SYTL2: variants seen among roughly 807,000 people sequenced by gnomAD.
SYTL2 encodes synaptotagmin like 2.
In SYTL2, 165 loss-of-function variants were observed where a neutral mutation model predicts 198.7. The ratio of observed to expected loss-of-function variants is 0.83; its 90% CI spans 0.73 to 0.94. SYTL2 has a LOEUF of 0.94. Ranked by LOEUF, SYTL2 falls within the 40% of genes least tolerant of loss-of-function variation. The pLI is 0.00. For synonymous variants in SYTL2, 966 were observed against 917.7 expected (o/e 1.05, Z -0.95); for missense variants, 2,835 against 2,582.8 (o/e 1.10, Z -2.12).
At position 85,705,025 on chromosome 11, in the gene SYTL2, T is replaced by G. The variant is rs772733200; in HGVS notation, c.6022A>C (p.Lys2008Gln). The change falls in exon 16 of 20, where the codon AAA becomes CAA. Residue 2008 changes from lysine (K) to glutamine (Q), a missense_variant. Physicochemically the swap from Lys to Gln is moderately conservative, Grantham distance 53. This residue lies in a region of SYTL2 where 2,645 missense variants were observed against 2,381.7 expected (regional missense o/e 1.11). Transcript: ENST00000359152. The stretch of plus-strand genomic sequence containing the variant: ...GTCTTTAAGATTTGTTTTTCAATTT[T>G]ATACTGAAGTTCAAAGAAGAAAATT... ...NPVYNEILRY[K>Q]IEKQILKTQK... 2.5e-6 allele frequency: 4 copies of G among 1,607,586 alleles called. No individual in the cohort carries two copies. In the African/African-American group the frequency reaches 5.4e-5, roughly 22 times the overall value.
rs74981007 is a variant in SYTL2, at chr11:85,809,570, G to T, written c.-390+1384C>A. On this transcript the variant is annotated intron_variant, in intron 1 of 19. Transcript: ENST00000359152. ...AACACAGGTTTTAGAATCAGAGATT[G>T]GATTTGAATTCCAGCTATGCTACTT... is the stretch of plus-strand genomic sequence containing the variant. 4.3e-3 allele frequency among the ~76,000 whole-genome samples: 662 copies of T among 152,286 alleles called. 5 individuals carry two copies. The highest frequency in any genetic ancestry group is 0.015 in the African/African-American group (633 of 41,572).
intron 2 of SYTL2, among the ~76,000 whole-genome samples, chr11:85,748,725 A>G (rs1164623823): frequency 6.6e-6 from 1 of 152,236 alleles, no homozygotes; most frequent in Admixed American, 6.5e-5. Flanking sequence ...TCAAATGCAA[A>G]TACCCCAGGG....
chr11:85,840,367 C>T, the SYTL2 span, among the ~76,000 whole-genome samples: 1 of 152,088 alleles, frequency 6.6e-6, no homozygotes, highest in Non-Finnish European at 1.5e-5. Flanking sequence ...ATTGCCCAGT[C>T]CAATGTTCTG....
In SYTL2 at chr11:85,727,744, G is replaced by T. The variant is rs61745112; in HGVS notation, c.1614C>A (p.Phe538Leu). The T allele has an allele frequency of 6.7e-5, 104 of 1,555,156 alleles. No individual in the cohort carries two copies. The highest frequency in any genetic ancestry group is 8.6e-5 in the Non-Finnish European group (99 of 1,149,224). Residue 538 changes from phenylalanine to leucine, a missense_variant, in exon 8 of 20, where the codon TTC becomes TTA. Coordinates refer to ENST00000359152, the MANE Select transcript of SYTL2 (RefSeq NM_206927.4). ...ACTCTATTCCTCGGGGATGTTGGAG[G>T]AATGACTTATTGTCATCTGAATAAG... is the stretch of plus-strand genomic sequence containing the variant. ...RSSYSDDNKS[F>L]LQHPRGIESK...
the SYTL2 span, among the ~76,000 whole-genome samples, chr11:85,851,730 C>T: frequency 1.3e-5 from 2 of 152,106 alleles, no homozygotes; most frequent in Non-Finnish European, 1.5e-5. Context: ...AGAAGCAGGC[C>T]TAAGATTTAA....
rs2092761376 is a variant in SYTL2 at position 85,793,545 on chromosome 11, CAA to C, written c.-390+17407_-390+17408del. On this transcript the variant is annotated intron_variant, in intron 1 of 19. Transcript: ENST00000359152. ...AGGGACTTTGAATTTAAAAATTTCT[CAA>C]AGAGGCAGACAGGGAGAAAAGTTTC... Among the ~76,000 whole-genome samples, 8 of 152,294 alleles carry C rather than the reference CAA, an allele frequency of 5.3e-5. No homozygotes were observed. The South Asian group carries it at 1.7e-3, about 32-fold the overall frequency.
chr11:85,724,103 T>G lies in SYTL2; in HGVS notation c.5255A>C (p.Glu1752Ala). 1.3e-6 allele frequency: 2 copies of G among 1,583,366 alleles called. No individual in the cohort carries two copies. The highest frequency in any genetic ancestry group is 1.7e-6 in the Non-Finnish European group (2 of 1,171,310). The change falls in exon 8 of 20, where the codon GAA becomes GCA. Residue 1752 changes from glutamate to alanine, a missense_variant. Coordinates refer to ENST00000359152, the MANE Select transcript of SYTL2 (RefSeq NM_206927.4). Reference sequence around the variant, plus strand: ...TGAAAAATCAGACTCAGAGAAACCTTCTTTTTCTTCCTCTTTCTCTTGTTT... The same window carrying G: ...TGAAAAATCAGACTCAGAGAAACCTGCTTTTTCTTCCTCTTTCTCTTGTTT... ...YMKQEKEEEK[E>A]GFSESDFSDG... is the part of the protein sequence containing the mutation.
chr11:85,736,246 A>G (rs1162984033), intron 6 of SYTL2, among the ~76,000 whole-genome samples: 1 of 152,210 alleles, frequency 6.6e-6, no homozygotes, highest in Non-Finnish European at 1.5e-5. Context: ...CAATTTACTG[A>G]TGAGGGAATC....
Position 85,726,485 on chromosome 11 carries a change from T to A in SYTL2, c.2873A>T (p.Asn958Ile). Reference sequence around the variant, plus strand: ...TTCTTTTAGGGACATAACTTTAAAGTTGGCATTTGATTCACGAACTAGAGG... The same window carrying A: ...TTCTTTTAGGGACATAACTTTAAAGATGGCATTTGATTCACGAACTAGAGG... Reference protein sequence around the residue: ...DRPLVRESNANFKVMSLKERM... With the variant: ...DRPLVRESNAIFKVMSLKERM... The change falls in exon 8 of 20, where the codon AAC becomes ATC. Residue 958 changes from asparagine to isoleucine, a missense_variant. Coordinates refer to ENST00000359152, the MANE Select transcript of SYTL2 (RefSeq NM_206927.4). 6.2e-7 allele frequency: 1 copy of A among 1,610,356 alleles called. No individual in the cohort carries two copies. Among genetic ancestry groups the A allele is most frequent in the Non-Finnish European group, 8.5e-7 (1 of 1,179,972 alleles).
chr11:85,781,789 C>T (rs914360261), intron 1 of SYTL2, among the ~76,000 whole-genome samples: 1 of 152,224 alleles, frequency 6.6e-6, no homozygotes, highest in African/African-American at 2.4e-5. Context: ...CTCCATGTCT[C>T]ATATCTAGGT....
Position 85,714,397 on chromosome 11 carries a change from C to G in SYTL2, c.5625+16G>C. On this transcript the variant is annotated intron_variant, in intron 12 of 19. Transcript: ENST00000359152. ...CTCTGTCTCCATTTTTCTGAAGGTA[C>G]AAAAGACAAACTTGCCTCATCTTGG... 1 of 1,600,874 alleles carries G rather than the reference C, an allele frequency of 6.2e-7. No individual in the cohort carries two copies. Among genetic ancestry groups the G allele is most frequent in the South Asian group, 1.1e-5 (1 of 90,778 alleles).
upstream of SYTL2, among the ~76,000 whole-genome samples, chr11:85,813,880 G>A (rs2093058424): frequency 6.6e-6 from 1 of 151,982 alleles, no homozygotes; most frequent in Admixed American, 6.6e-5. Context: ...ACACCACCAC[G>A]CCCAGTTAAT....
At chr11:85,776,982 G>C (rs1212288786) in intron 1 of SYTL2, among the ~76,000 whole-genome samples, 1 of 152,174 alleles carries the variant, frequency 6.6e-6, no homozygotes, top group African/African-American at 2.4e-5. Context: ...GACTTAACCT[G>C]AGCTTTGGAC....
chr11:85,853,096 G>A, the SYTL2 span: 1 of 284,820 alleles, frequency 3.5e-6, no homozygotes, highest in Non-Finnish European at 6.8e-6. Context: ...GGGCGCCTCT[G>A]CCCGGCCGCC....
At chr11:85,749,268 C>T (rs2091365644) in intron 2 of SYTL2, among the ~76,000 whole-genome samples, 1 of 152,190 alleles carries the variant, frequency 6.6e-6, no homozygotes, top group African/African-American at 2.4e-5. Context: ...CACAAAATCT[C>T]TCTTGTTTAT....
chr11:85,834,763 T>TC, the SYTL2 span, among the ~76,000 whole-genome samples: 1 of 107,574 alleles, frequency 9.3e-6, no homozygotes, highest in Non-Finnish European at 2.1e-5. Flanking sequence ...TCTTTTTCTT[T>TC]TTTTTTTTTC....
chr11:85,718,678 A>C, intron 10 of SYTL2, 112 bp downstream of exon 10: 1 of 877,520 alleles, frequency 1.1e-6, no homozygotes, highest in Non-Finnish European at 1.8e-6. Flanking sequence ...TATTCACCAC[A>C]TAGTGGCAAA....
chr11:85,779,901 G>A (rs950785152), intron 1 of SYTL2, among the ~76,000 whole-genome samples: 1 of 152,304 alleles, frequency 6.6e-6, no homozygotes, highest in East Asian at 1.9e-4. Flanking sequence ...CCAGGGATTA[G>A]GCAAGGTCAA....
chr11:85,766,511 C>CA (rs1258021524), intron 1 of SYTL2, among the ~76,000 whole-genome samples: 1 of 152,186 alleles, frequency 6.6e-6, no homozygotes, highest in Non-Finnish European at 1.5e-5. Flanking sequence ...GAAGCTGCTG[C>CA]AAAAGCCACC....
Sources: gnomAD v4.1 joint callset for allele counts (sites outside exome capture counted in the v4.1 genomes callset) on GRCh38, gnomAD v4.1.1 for gene constraint, gnomAD v4.1.1 regional missense constraint, MANE v1.5 for transcripts, NCBI Gene and HGNC (gene_info 2026-07-23, HGNC 2026-07-21) for gene names.